COP1: variants seen among roughly 807,000 people sequenced by gnomAD.
The protein encoded by COP1 is COP1 E3 ubiquitin ligase, also known as E3 ubiquitin-protein ligase COP1.
A neutral mutation model predicts 101.3 loss-of-function variants in COP1; 24 were observed. The observed-to-expected ratio is 0.24, with a 90% CI of 0.17 to 0.33. The LOEUF is 0.33. COP1 is among the 10% of genes least tolerant of loss of function. The pLI is 1.00. For synonymous variants in COP1, 347 were observed against 341.9 expected (o/e 1.01, Z -0.17); for missense variants, 663 against 906.2 (o/e 0.73, Z 3.45).
At chr1:176,193,999 G>A (rs938090876) in intron 1 of COP1, among the ~76,000 whole-genome samples, 1 of 152,004 alleles carries the variant, frequency 6.6e-6, no homozygotes, top group African/African-American at 2.4e-5. Context: ...TGACAACAAG[G>A]GAGTAGCAGA....
intron 9 of COP1, among the ~76,000 whole-genome samples, chr1:176,100,877 A>G (rs1191907030): frequency 1.3e-5 from 2 of 151,888 alleles, no homozygotes; most frequent in African/African-American, 2.4e-5. Context: ...CCCCCAAGAC[A>G]CATTTTTGTC....
chr1:176,052,499 AAC>A (rs1243965519), intron 11 of COP1, among the ~76,000 whole-genome samples: 1 of 152,180 alleles, frequency 6.6e-6, no homozygotes, highest in Non-Finnish European at 1.5e-5. Context: ...TAAATTTCCA[AAC>A]ACACAGCTCT....
intron 11 of COP1, among the ~76,000 whole-genome samples, chr1:176,080,069 C>G (rs1678823729): frequency 6.6e-6 from 1 of 151,732 alleles, no homozygotes; most frequent in Non-Finnish European, 1.5e-5. Flanking sequence ...CCTCAGTAAT[C>G]ATGGGTCGAA....
In COP1 at chr1:176,118,572, G is replaced by A. The variant is rs967533308; in HGVS notation, c.969-1891C>T. Among the ~76,000 whole-genome samples the A allele has an allele frequency of 1.3e-5, 2 of 152,086 alleles. 1 individual carries two copies. Among genetic ancestry groups the A allele is most frequent in the Non-Finnish European group, 2.9e-5 (2 of 68,006 alleles). On this transcript the variant is annotated intron_variant, in intron 8 of 19. Coordinates refer to ENST00000367669, the MANE Select transcript of COP1 (RefSeq NM_022457.7). Reference sequence around the variant, plus strand: ...GAGCCTAGGAGTTTAAGACCAGCCCGGACAAAATAGTAAGACTCCGTTTTC... The same window carrying A: ...GAGCCTAGGAGTTTAAGACCAGCCCAGACAAAATAGTAAGACTCCGTTTTC...
Position 175,947,841 on chromosome 1 carries a change from A to C in COP1, c.2134-602T>G, listed in dbSNP as rs538618717. On this transcript the variant is annotated intron_variant, in intron 18 of 19. Transcript: ENST00000367669. ...ATGGAAGAAAAGCCAAAAGAAACAA[A>C]GACTGAAATAAAATGAAAAAAAGAG... Among the ~76,000 whole-genome samples the C allele has an allele frequency of 1.2e-4, 19 of 152,340 alleles. No individual in the cohort carries two copies. The East Asian group carries it at 3.3e-3, about 26-fold the overall frequency.
intron 15 of COP1, among the ~76,000 whole-genome samples, chr1:175,994,097 C>T (rs1659441717): frequency 6.6e-6 from 1 of 152,118 alleles, no homozygotes; most frequent in African/African-American, 2.4e-5. Flanking sequence ...ATTCAACATT[C>T]CTAAAGAAAA....
intron 14 of COP1, among the ~76,000 whole-genome samples, chr1:176,034,948 G>T (rs974325394): frequency 6.6e-6 from 1 of 151,918 alleles, no homozygotes; most frequent in East Asian, 1.9e-4. Flanking sequence ...AAGAAATGAA[G>T]AAACAAACAA....
intron 1 of COP1, among the ~76,000 whole-genome samples, chr1:176,188,391 A>G (rs1417171400): frequency 6.6e-6 from 1 of 152,206 alleles, no homozygotes; most frequent in Non-Finnish European, 1.5e-5. Context: ...AATTCTTTCC[A>G]ATTTTGAAGA....
At chr1:176,081,310 A>G in intron 10 of COP1, 23 bp from the exon 11 acceptor site, 1 of 1,521,126 alleles carries the variant, frequency 6.6e-7, no homozygotes, top group Non-Finnish European at 8.9e-7. Flanking sequence ...AAAAAAAAAA[A>G]GACAAAACAG....
At chr1:175,985,900 G>A (rs922460387) in intron 18 of COP1, among the ~76,000 whole-genome samples, 3 of 151,792 alleles carry the variant, frequency 2.0e-5, no homozygotes, top group African/African-American at 7.3e-5. Context: ...CCTGAAACTT[G>A]GATTTTTAAA....
At chr1:176,082,800 C>T (rs1388569781) in intron 10 of COP1, among the ~76,000 whole-genome samples, 1 of 148,692 alleles carries the variant, frequency 6.7e-6, no homozygotes, top group African/African-American at 2.5e-5. Context: ...AGCAAAACTC[C>T]ATCTCAAAAA....
intron 14 of COP1, among the ~76,000 whole-genome samples, chr1:176,028,536 AAAATGAAATG>A (rs1668080862): frequency 6.6e-6 from 1 of 151,042 alleles, no homozygotes; most frequent in Admixed American, 6.6e-5. Flanking sequence ...CCAAAAAAAA[AAAATGAAATG>A]AAATGAAATA....
intron 15 of COP1, among the ~76,000 whole-genome samples, chr1:176,001,448 G>A (rs1661575526): frequency 6.6e-6 from 1 of 152,098 alleles, no homozygotes; most frequent in South Asian, 2.1e-4. Flanking sequence ...ACTAAAAACA[G>A]AATGCTATGG....
intron 15 of COP1, among the ~76,000 whole-genome samples, chr1:175,993,300 A>G (rs145418886): frequency 6.6e-6 from 1 of 152,178 alleles, no homozygotes; most frequent in Non-Finnish European, 1.5e-5. Flanking sequence ...GGGAAAAAAC[A>G]AAGCAGAAAA....
intron 14 of COP1, among the ~76,000 whole-genome samples, chr1:176,041,751 A>G (rs1670578827): frequency 6.6e-6 from 1 of 152,070 alleles, no homozygotes; most frequent in Non-Finnish European, 1.5e-5. Context: ...AGATCACTGG[A>G]GGTCAGGAGT....
intron 1 of COP1, among the ~76,000 whole-genome samples, chr1:176,186,288 T>A (rs1302862812): frequency 6.6e-6 from 1 of 151,748 alleles, no homozygotes; most frequent in East Asian, 1.9e-4. Context: ...TCTATGCAAA[T>A]TTTTTAAAAA....
intron 14 of COP1, among the ~76,000 whole-genome samples, chr1:176,032,787 G>A (rs1668849038): frequency 1.3e-5 from 2 of 151,948 alleles, no homozygotes. Flanking sequence ...CCTGGAACAA[G>A]GTAGGTGAAG....
chr1:176,161,771 A>G (rs527884061), intron 5 of COP1, among the ~76,000 whole-genome samples: 2 of 152,280 alleles, frequency 1.3e-5, no homozygotes, highest in Admixed American at 1.3e-4. Context: ...TTAAAACCGT[A>G]AGAGAAATTC....
intron 2 of COP1, among the ~76,000 whole-genome samples, chr1:176,178,484 C>CT (rs1189079316): frequency 3.9e-5 from 6 of 152,016 alleles, no homozygotes; most frequent in Non-Finnish European, 4.4e-5. Flanking sequence ...CAGCGAGACT[C>CT]TGTCTCAAAA....
Sources: gnomAD v4.1 joint callset for allele counts (sites outside exome capture counted in the v4.1 genomes callset) on GRCh38, gnomAD v4.1.1 for gene constraint, MANE v1.5 for transcripts, NCBI Gene and HGNC (gene_info 2026-07-23, HGNC 2026-07-21) for gene names.